CHM: variants seen among roughly 807,000 people sequenced by gnomAD.
The protein encoded by CHM is CHM Rab escort protein.
Under a neutral mutation model 49.0 loss-of-function variants are expected in CHM, and 10 were observed. The observed-to-expected ratio is 0.20, with a 90% confidence interval of 0.13 to 0.35. The LOEUF is 0.35. CHM is among the 10% of genes least tolerant of loss of function. CHM has a pLI of 1.00. For synonymous variants in CHM, 184 were observed against 167.5 expected (o/e 1.10, Z -0.76); for missense variants, 455 against 478.4 (o/e 0.95, Z 0.46).
Position 86,038,957 on chromosome X carries a change from C to T in CHM, c.49+8527G>A, listed in dbSNP as rs547250501. Among the ~76,000 whole-genome samples the T allele has an allele frequency of 1.6e-4, 18 of 112,479 alleles. No individual in the cohort carries two copies. The South Asian group carries it at 5.5e-3, about 34-fold the overall frequency. On this transcript the variant is annotated intron_variant, in intron 1 of 14. Coordinates refer to ENST00000357749, the MANE Select transcript of CHM (RefSeq NM_000390.4). Reference sequence around the variant, plus strand: ...TTTTCAATTGAAAGATTCTAGCAAACTTAATCTAATACCTCAACCTTAGTC... The same window carrying T: ...TTTTCAATTGAAAGATTCTAGCAAATTTAATCTAATACCTCAACCTTAGTC...
intron 12 of CHM, among the ~76,000 whole-genome samples, chrX:85,883,726 T>A (rs1924900013): frequency 9.0e-6 from 1 of 111,046 alleles, no homozygotes. Flanking sequence ...TATAGCATTT[T>A]AAAACTAGGG....
chrX:85,970,514 A>C, intron 4 of CHM: 3 of 719,123 alleles, frequency 4.2e-6, no homozygotes, highest in Non-Finnish European at 4.9e-6. Flanking sequence ...TGGAAATAGC[A>C]CACGTTTTTG....
chrX:85,984,646 C>T (rs1047662379), intron 2 of CHM, among the ~76,000 whole-genome samples: 1 of 111,758 alleles, frequency 8.9e-6, no homozygotes, highest in Non-Finnish European at 1.9e-5. Flanking sequence ...AATACTTGTA[C>T]AAGTCTTTCC....
In CHM at chrX:86,028,761, T is replaced by C. The variant is rs139591141; in HGVS notation, c.50-1204A>G. Reference sequence around the variant, plus strand: ...TTATATTAGTTATAAAAATAAAGCATGCTTTAAAAGTTTAGTGCAATTCTA... The same window carrying C: ...TTATATTAGTTATAAAAATAAAGCACGCTTTAAAAGTTTAGTGCAATTCTA... On this transcript the variant is annotated intron_variant, in intron 1 of 14. Coordinates refer to ENST00000357749, the MANE Select transcript of CHM (RefSeq NM_000390.4). 4.5e-3 allele frequency among the ~76,000 whole-genome samples: 506 copies of C among 111,738 alleles called. 4 individuals carry two copies. Among genetic ancestry groups the C allele is most frequent in the African/African-American group, 0.016 (483 of 30,804 alleles).
intron 3 of CHM, among the ~76,000 whole-genome samples, chrX:85,981,520 C>A (rs1377618661): frequency 9.0e-6 from 1 of 111,023 alleles, no homozygotes; most frequent in East Asian, 2.8e-4. Flanking sequence ...AGGCATGAGC[C>A]ATCGCACCCG....
intron 12 of CHM, among the ~76,000 whole-genome samples, chrX:85,882,166 GC>G (rs761835015): frequency 6.0e-4 from 67 of 111,848 alleles, no homozygotes; most frequent in African/African-American, 2.1e-3. Flanking sequence ...GGATAAATGA[GC>G]AAAAAGTCTG....
chrX:85,891,821 C>G (rs1925482022), intron 12 of CHM, among the ~76,000 whole-genome samples: 1 of 111,517 alleles, frequency 9.0e-6, no homozygotes, highest in Non-Finnish European at 1.9e-5. Flanking sequence ...ACAGGTTGCG[C>G]CAGGAAAAGC....
intron 12 of CHM, among the ~76,000 whole-genome samples, chrX:85,892,073 G>T (rs1026782409): frequency 6.3e-5 from 7 of 111,691 alleles, no homozygotes; most frequent in African/African-American, 2.3e-4. Flanking sequence ...TATTTGGAAT[G>T]GCTGTATTTA....
intron 6 of CHM, 133 bp downstream of exon 6, chrX:85,958,728 T>C (rs1930134085): frequency 9.8e-7 from 1 of 1,015,873 alleles, no homozygotes; most frequent in Non-Finnish European, 1.3e-6. Flanking sequence ...AGCATTTACA[T>C]TTGTAAATCA....
intron 14 of CHM, among the ~76,000 whole-genome samples, chrX:85,868,601 C>G (rs1284812456): frequency 1.8e-5 from 2 of 111,247 alleles, no homozygotes; most frequent in African/African-American, 6.6e-5. Context: ...TATCTTCTAT[C>G]TCTTAACTTC....
chrX:86,012,468 G>A (rs1356542086), intron 2 of CHM, among the ~76,000 whole-genome samples: 1 of 111,109 alleles, frequency 9.0e-6, no homozygotes, highest in Non-Finnish European at 1.9e-5. Context: ...TCTGATTCCA[G>A]GCCTCTTTCA....
intron 7 of CHM, 135 bp downstream of exon 7, chrX:85,957,720 T>C (rs1930075310): frequency 1.0e-5 from 7 of 697,760 alleles, no homozygotes; most frequent in East Asian, 3.8e-5. Context: ...ATGTTACTAA[T>C]GGCTAACCTA....
intron 2 of CHM, among the ~76,000 whole-genome samples, chrX:85,993,893 A>G (rs1167993317): frequency 9.0e-6 from 1 of 111,559 alleles, no homozygotes; most frequent in African/African-American, 3.3e-5. Flanking sequence ...GAAGCCTTCA[A>G]CTCTTCAAAA....
chrX:85,987,428 T>A (rs1422148177), intron 2 of CHM, among the ~76,000 whole-genome samples: 1 of 111,663 alleles, frequency 9.0e-6, no homozygotes, highest in African/African-American at 3.3e-5. Flanking sequence ...GGGCACCCCA[T>A]CAGGCTAAAA....
At chrX:86,027,817 A>G (rs891769753) in intron 1 of CHM, among the ~76,000 whole-genome samples, 83 of 110,575 alleles carry the variant, frequency 7.5e-4, no homozygotes, top group African/African-American at 2.5e-3. Flanking sequence ...CAGCTGGAGT[A>G]CAGTGGCGCG....
At chrX:86,039,374 T>C (rs1934368714) in intron 1 of CHM, among the ~76,000 whole-genome samples, 1 of 110,579 alleles carries the variant, frequency 9.0e-6, no homozygotes, top group African/African-American at 3.3e-5. Context: ...TAAATCCACA[T>C]AAATAAGACT....
At chrX:86,010,166 T>A (rs1932997600) in intron 2 of CHM, among the ~76,000 whole-genome samples, 2 of 78,525 alleles carry the variant, frequency 2.5e-5, no homozygotes, top group Admixed American at 3.4e-4. Flanking sequence ...GAGGGGAACA[T>A]CACACACCGG....
chrX:86,000,803 C>T (rs954471954), intron 2 of CHM, among the ~76,000 whole-genome samples: 1 of 110,825 alleles, frequency 9.0e-6, no homozygotes, highest in African/African-American at 3.3e-5. Context: ...CAGTGGATGT[C>T]ATGGTGGTAG....
At chrX:85,923,019 G>A (rs1927881044) in intron 8 of CHM, among the ~76,000 whole-genome samples, 1 of 111,615 alleles carries the variant, frequency 9.0e-6, no homozygotes, top group Admixed American at 9.5e-5. Context: ...AAATTACTAG[G>A]TCACTAGAAG....
Sources: gnomAD v4.1 joint callset for allele counts (sites outside exome capture counted in the v4.1 genomes callset) on GRCh38, gnomAD v4.1.1 for gene constraint, MANE v1.5 for transcripts, NCBI Gene and HGNC (gene_info 2026-07-23, HGNC 2026-07-21) for gene names.